SPAG16: variants seen among roughly 807,000 people sequenced by gnomAD.
The protein encoded by SPAG16 is sperm-associated antigen 16 protein.
In SPAG16, 86 loss-of-function variants were observed where a neutral mutation model predicts 80.4. The observed-to-expected ratio is 1.07, with a 90% CI of 0.90 to 1.28. The LOEUF is 1.28. Ranked by LOEUF, SPAG16 falls within the 50% of genes most tolerant of loss-of-function variation. The pLI is 0.00. For synonymous variants in SPAG16, 294 were observed against 265.9 expected (o/e 1.11, Z -1.03); for missense variants, 870 against 765.3 (o/e 1.14, Z -1.61).
At chr2:214,402,747 T>G (rs1224932433) in intron 15 of SPAG16, among the ~76,000 whole-genome samples, 1 of 152,048 alleles carries the variant, frequency 6.6e-6, no homozygotes, top group Admixed American at 6.6e-5. Flanking sequence ...CTCCAGAAGC[T>G]CTAAAAGAAT....
intron 14 of SPAG16, among the ~76,000 whole-genome samples, chr2:214,124,232 T>A (rs2054362672): frequency 6.6e-6 from 1 of 151,920 alleles, no homozygotes; most frequent in African/African-American, 2.4e-5. Context: ...GTTTTGAGCA[T>A]ATGACTGCCA....
Position 213,910,590 on chromosome 2 carries a change from G to A in SPAG16, c.1215-19370G>A, listed in dbSNP as rs1438018913. Among the ~76,000 whole-genome samples the A allele has an allele frequency of 8.7e-5, 3 of 34,594 alleles. 1 individual carries two copies. The highest frequency in any genetic ancestry group is 2.1e-4 in the Non-Finnish European group (2 of 9,388). The allele number at this position is 34,594 out of a possible 152,430, so 22.7% of individuals were successfully genotyped here. A position where few individuals can be genotyped will look rare whatever the true frequency, so the allele number is the denominator to read the frequency against. On this transcript the variant is annotated intron_variant, in intron 11 of 15. Coordinates refer to ENST00000331683, the MANE Select transcript of SPAG16 (RefSeq NM_024532.5). Reference sequence around the variant, plus strand: ...TGCAAGCTCCGCCTCCCGGGTTCACGCCATTCTCCTGCCTCAGCCTCCCGA... The same window carrying A: ...TGCAAGCTCCGCCTCCCGGGTTCACACCATTCTCCTGCCTCAGCCTCCCGA...
At chr2:214,009,386 A>C (rs1420232106) in intron 12 of SPAG16, among the ~76,000 whole-genome samples, 1 of 152,072 alleles carries the variant, frequency 6.6e-6, no homozygotes, top group Non-Finnish European at 1.5e-5. Context: ...GCTCATTTTG[A>C]GTTTTTCCTT....
At chr2:213,983,277 A>G (rs1397992072) in intron 12 of SPAG16, among the ~76,000 whole-genome samples, 1 of 151,988 alleles carries the variant, frequency 6.6e-6, no homozygotes, top group East Asian at 1.9e-4. Context: ...GTTTTACCTT[A>G]AAATAAGAGA....
chr2:213,945,300 CACAAGTATATATATGTGTGTGT>C (rs908459805), intron 12 of SPAG16, among the ~76,000 whole-genome samples: 8 of 141,804 alleles, frequency 5.6e-5, no homozygotes, highest in African/African-American at 2.1e-4. Context: ...CATATATATA[CACAAGTATATATATGTGTGTGT>C]TTGTGTATAT....
chr2:214,165,436 T>C (rs1359063991), intron 15 of SPAG16, among the ~76,000 whole-genome samples: 1 of 137,000 alleles, frequency 7.3e-6, no homozygotes. Context: ...TGATCAAAAA[T>C]GACCCCTTTT....
intron 11 of SPAG16, among the ~76,000 whole-genome samples, chr2:213,912,277 C>T (rs1285923263): frequency 6.6e-6 from 1 of 152,058 alleles, no homozygotes; most frequent in East Asian, 1.9e-4. Context: ...AATAGTTATA[C>T]ACTTTCTGAT....
At chr2:213,736,454 A>C (rs1021235719) in intron 10 of SPAG16, among the ~76,000 whole-genome samples, 1 of 151,634 alleles carries the variant, frequency 6.6e-6, no homozygotes. Context: ...CACCCGGCTA[A>C]TTTTTGTATT....
At chr2:213,913,594 T>C (rs138141708) in intron 11 of SPAG16, among the ~76,000 whole-genome samples, 901 of 6,772 alleles carry the variant, frequency 0.13, 18 homozygotes, top group African/African-American at 0.15. Context: ...TGTACATATA[T>C]GTATATGTAC....
chr2:214,277,976 G>A (rs893583426), intron 15 of SPAG16, among the ~76,000 whole-genome samples: 9 of 152,206 alleles, frequency 5.9e-5, no homozygotes, highest in African/African-American at 2.2e-4. Flanking sequence ...GTTCTAGCTT[G>A]CCTGGCTGCT....
intron 15 of SPAG16, among the ~76,000 whole-genome samples, chr2:214,201,710 C>G (rs1181543109): frequency 6.6e-6 from 1 of 152,170 alleles, no homozygotes. Flanking sequence ...AACCAAAATT[C>G]TGGAATAGAT....
chr2:214,191,727 G>GAAAAAAAAAAAAAAAAAAAAAAAAAA (rs367694225), intron 15 of SPAG16, among the ~76,000 whole-genome samples: 1 of 115,818 alleles, frequency 8.6e-6, no homozygotes. Context: ...AAAAAAAAAA[G>GAAAAAAAAAAAAAAAAAAAAAAAAAA]AAAAAAAAAA....
At chr2:214,250,416 T>C (rs1373559223) in intron 15 of SPAG16, among the ~76,000 whole-genome samples, 2 of 151,410 alleles carry the variant, frequency 1.3e-5, no homozygotes, top group Non-Finnish European at 3.0e-5. Flanking sequence ...ACAAACAATA[T>C]AAGTTAGCAA....
chr2:213,292,846 A>C (rs1292653763), intron 1 of SPAG16, among the ~76,000 whole-genome samples: 1 of 152,148 alleles, frequency 6.6e-6, no homozygotes, highest in Non-Finnish European at 1.5e-5. Context: ...GTGAGAAAAG[A>C]AATGACAACA....
chr2:214,192,058 TAA>T (rs1396075210), intron 15 of SPAG16, among the ~76,000 whole-genome samples: 2 of 152,096 alleles, frequency 1.3e-5, no homozygotes, highest in East Asian at 3.9e-4. Context: ...TAAGAGAAGC[TAA>T]AGAGTTTACC....
At chr2:213,576,372 G>T (rs1190591181) in intron 10 of SPAG16, among the ~76,000 whole-genome samples, 2 of 152,088 alleles carry the variant, frequency 1.3e-5, no homozygotes, top group Non-Finnish European at 2.9e-5. Flanking sequence ...CTCCAGCTTT[G>T]TTCTTTTTGC....
intron 10 of SPAG16, among the ~76,000 whole-genome samples, chr2:213,682,372 C>T (rs1367793262): frequency 2.0e-5 from 3 of 152,200 alleles, no homozygotes; most frequent in African/African-American, 7.2e-5. Context: ...CAATCATATA[C>T]ACTTTGATGT....
chr2:214,151,885 T>A (rs2055990166), intron 15 of SPAG16, among the ~76,000 whole-genome samples: 1 of 152,210 alleles, frequency 6.6e-6, no homozygotes, highest in East Asian at 1.9e-4. Context: ...CTGAGATATT[T>A]CATATAAGGA....
At chr2:213,555,854 C>A (rs73988544) in intron 10 of SPAG16, among the ~76,000 whole-genome samples, 2 of 151,986 alleles carry the variant, frequency 1.3e-5, no homozygotes, top group African/African-American at 4.8e-5. Context: ...TTTAGTATAA[C>A]GGTTGAAAGA....
Sources: gnomAD v4.1 joint callset for allele counts (sites outside exome capture counted in the v4.1 genomes callset) on GRCh38, gnomAD v4.1.1 for gene constraint, MANE v1.5 for transcripts, NCBI Gene and HGNC (gene_info 2026-07-23, HGNC 2026-07-21) for gene names.